EYS: variants seen among roughly 807,000 people sequenced by gnomAD.
EYS encodes EGF-like photoreceptor maintenance factor.
A neutral mutation model predicts 282.1 loss-of-function variants in EYS; 250 were observed. The observed-to-expected ratio is 0.89, with a 90% confidence interval of 0.80 to 0.98. EYS has a LOEUF of 0.98. EYS is among the 50% of genes least tolerant of loss of function. The pLI is 0.00. For missense variants in EYS, 4,016 were observed against 3,709.0 expected, an observed-to-expected ratio of 1.08 and a Z score of -2.15; for synonymous variants, 1,355 against 1,282.9, an observed-to-expected ratio of 1.06 and a Z score of -1.20.
chr6:64,739,411 G>T (rs1396892538), intron 22 of EYS, among the ~76,000 whole-genome samples: 1 of 152,138 alleles, frequency 6.6e-6, no homozygotes, highest in Non-Finnish European at 1.5e-5. Context: ...GAGTTAAACT[G>T]CAGGTTTTTC....
At chr6:65,253,403 TA>T (rs1360422641) in intron 12 of EYS, among the ~76,000 whole-genome samples, 2 of 151,842 alleles carry the variant, frequency 1.3e-5, no homozygotes, top group African/African-American at 4.8e-5. Flanking sequence ...TATGTGAAAA[TA>T]AAATTAAACG....
intron 33 of EYS, among the ~76,000 whole-genome samples, chr6:64,049,277 T>A (rs562220263): frequency 5.9e-5 from 9 of 152,242 alleles, no homozygotes; most frequent in Non-Finnish European, 1.2e-4. Flanking sequence ...ATTAACATTT[T>A]GCTATATTTG....
chr6:64,253,156 A>G lies in EYS; in HGVS notation c.6192-22332T>C, dbSNP rs369808923. ...TCAATATTCCTTGAAGCTAATTAAT[A>G]TATCAGTTAAATAGTTTAAATTAAA... On this transcript the variant is annotated intron_variant, in intron 30 of 42. Transcript: ENST00000503581. Among the ~76,000 whole-genome samples the G allele has an allele frequency of 3.9e-4, 59 of 152,274 alleles. No homozygotes were observed. In the East Asian group the frequency reaches 8.1e-3, roughly 21 times the overall value.
At chr6:64,371,560 T>C (rs1360821287) in intron 29 of EYS, among the ~76,000 whole-genome samples, 5 of 152,112 alleles carry the variant, frequency 3.3e-5, no homozygotes, top group African/African-American at 1.2e-4. Context: ...AGATCCCAAA[T>C]ATCTTTGTTA....
intron 19 of EYS, among the ~76,000 whole-genome samples, chr6:64,829,896 G>A (rs771988875): frequency 1.3e-4 from 19 of 151,922 alleles, no homozygotes; most frequent in Non-Finnish European, 1.8e-4. Context: ...CTGATTACCA[G>A]GGGAGGGACC....
At chr6:65,234,352 A>T (rs1766867190) in intron 12 of EYS, among the ~76,000 whole-genome samples, 1 of 152,132 alleles carries the variant, frequency 6.6e-6, no homozygotes, top group South Asian at 2.1e-4. Flanking sequence ...TCTATCAAGG[A>T]ACTCCTACAT....
intron 35 of EYS, among the ~76,000 whole-genome samples, chr6:63,869,747 A>C (rs1377330950): frequency 6.6e-6 from 1 of 152,208 alleles, no homozygotes; most frequent in Non-Finnish European, 1.5e-5. Flanking sequence ...GTTGTGTCTG[A>C]ATCAGTTAAT....
intron 2 of EYS, among the ~76,000 whole-genome samples, chr6:65,612,174 T>C (rs1766025011): frequency 6.6e-6 from 1 of 151,206 alleles, no homozygotes; most frequent in Non-Finnish European, 1.5e-5. Flanking sequence ...TGGATTGGCA[T>C]GTGTCTTTGA....
chr6:65,126,108 T>A (rs1581933124), intron 12 of EYS, among the ~76,000 whole-genome samples: 1 of 152,276 alleles, frequency 6.6e-6, no homozygotes, highest in East Asian at 1.9e-4. Flanking sequence ...TTTGTTTCTT[T>A]TTGTTGTTTG....
At chr6:65,120,460 CAAAA>C (rs67505285) in intron 12 of EYS, among the ~76,000 whole-genome samples, 1,759 of 68,264 alleles carry the variant, frequency 0.026, 34 homozygotes, top group Non-Finnish European at 0.034. Context: ...TTTAAATAAG[CAAAA>C]AAAAAAAAAA....
At chr6:64,616,027 A>C (rs1291205403) in intron 24 of EYS, among the ~76,000 whole-genome samples, 1 of 152,134 alleles carries the variant, frequency 6.6e-6, no homozygotes, top group Non-Finnish European at 1.5e-5. Context: ...GTGAAAGAAC[A>C]TATACCAGGA....
chr6:65,367,813 CAT>C (rs913455322), intron 8 of EYS, among the ~76,000 whole-genome samples: 5 of 151,654 alleles, frequency 3.3e-5, no homozygotes, highest in Non-Finnish European at 7.4e-5. Flanking sequence ...CAACAGAAAA[CAT>C]GTGGATTTAT....
intron 12 of EYS, among the ~76,000 whole-genome samples, chr6:65,228,225 G>A (rs62407255): frequency 0.24 from 36,305 of 151,552 alleles, 4,517 homozygotes; most frequent in Middle Eastern, 0.28. Context: ...ATAAGACAAG[G>A]AAAATACAGA....
chr6:64,852,023 T>C (rs1023963664), intron 19 of EYS, among the ~76,000 whole-genome samples: 1 of 152,136 alleles, frequency 6.6e-6, no homozygotes, highest in Non-Finnish European at 1.5e-5. Context: ...TACATTTATA[T>C]TGCTTGTGGA....
At position 64,888,712 on chromosome 6, in the gene EYS, G is replaced by T. The variant is rs377017826; in HGVS notation, c.2847-1870C>A. Among the ~76,000 whole-genome samples, 17 of 151,964 alleles carry T rather than the reference G, an allele frequency of 1.1e-4. No homozygotes were observed. In the East Asian group the frequency reaches 3.1e-3, roughly 28 times the overall value. On this transcript the variant is annotated intron_variant, in intron 18 of 42. Transcript: ENST00000503581. The stretch of plus-strand genomic sequence containing the variant: ...TTTTTCTCCATTGTATTCATTTTGC[G>T]AATATCTCCCCATCTAGTGAGAAGT...
At chr6:63,805,198 G>T (rs537918407) in intron 37 of EYS, among the ~76,000 whole-genome samples, 43 of 152,224 alleles carry the variant, frequency 2.8e-4, no homozygotes, top group Non-Finnish European at 5.4e-4. Context: ...ACTCAGAGAA[G>T]TTAGGTGATT....
At chr6:64,241,011 A>G (rs866142120) in intron 30 of EYS, among the ~76,000 whole-genome samples, 2 of 152,090 alleles carry the variant, frequency 1.3e-5, no homozygotes, top group East Asian at 3.9e-4. Flanking sequence ...TGAGATAATT[A>G]TGGTTTTTGT....
chr6:65,665,989 AG>A (rs1768185161), intron 1 of EYS, among the ~76,000 whole-genome samples: 1 of 152,014 alleles, frequency 6.6e-6, no homozygotes, highest in South Asian at 2.1e-4. Flanking sequence ...CAGTATTCAA[AG>A]GAAGTTCTGA....
intron 14 of EYS, among the ~76,000 whole-genome samples, chr6:64,992,466 C>T (rs192401144): frequency 1.3e-5 from 2 of 151,812 alleles, no homozygotes; most frequent in African/African-American, 4.8e-5. Flanking sequence ...ACATTTTAGA[C>T]TAAATTCCAT....
Sources: allele counts gnomAD v4.1 joint callset (sites outside exome capture counted in the v4.1 genomes callset), GRCh38; gene constraint gnomAD v4.1.1; transcripts MANE v1.5; gene names NCBI Gene and HGNC (gene_info 2026-07-23, HGNC 2026-07-21).